IAH1: variants seen among roughly 807,000 people sequenced by gnomAD.
IAH1 encodes isoamyl acetate hydrolyzing esterase 1 (putative).
A neutral mutation model predicts 26.7 loss-of-function variants in IAH1; 24 were observed. That is an observed-to-expected ratio of 0.90 (90% CI 0.65 to 1.26). The LOEUF (loss-of-function observed/expected upper bound fraction) is 1.26. Among genes scored for constraint, IAH1 ranks in the 50% most tolerant of loss-of-function variants. The probability of loss-of-function intolerance (pLI) is 0.00; values close to 1 mark genes in which losing one functional copy is unlikely to be tolerated. For missense variants in IAH1, 300 were observed against 299.9 expected (o/e 1.00, Z 0.00); for synonymous variants, 140 against 118.5 (o/e 1.18, Z -1.18).
chr2:9,484,753 C>T (rs1433582502), intron 5 of IAH1: 3 of 535,144 alleles, frequency 5.6e-6, no homozygotes, highest in African/African-American at 3.8e-5. Context: ...TTCAGCCAGG[C>T]TCCTTGGCTA....
downstream of IAH1, among the ~76,000 whole-genome samples, chr2:9,496,939 A>G (rs115361288): frequency 1.0e-3 from 152 of 152,308 alleles, no homozygotes; most frequent in African/African-American, 3.6e-3. Flanking sequence ...GGTATGGTGG[A>G]TCTGCATGCA....
intron 5 of IAH1, chr2:9,485,780 CTT>C (rs1215079768): frequency 1.3e-5 from 2 of 152,252 alleles, no homozygotes; most frequent in African/African-American, 4.8e-5. Flanking sequence ...AGGCACTGGT[CTT>C]TTTTAATTTT....
chr2:9,498,490 C>T (rs752148171), downstream of IAH1, among the ~76,000 whole-genome samples: 12 of 152,220 alleles, frequency 7.9e-5, no homozygotes, highest in Non-Finnish European at 1.5e-4. Context: ...GACTATATAT[C>T]CACAGCTCTG....
Position 9,488,334 on chromosome 2 carries a change from T to A in IAH1, c.*5T>A. The A allele has an allele frequency of 6.3e-7, 1 of 1,585,628 alleles. No individual in the cohort carries two copies. Among genetic ancestry groups the A allele is most frequent in the Non-Finnish European group, 8.5e-7 (1 of 1,170,076 alleles). On this transcript the variant is annotated 3_prime_UTR_variant, in exon 6 of 6. Transcript: ENST00000497473. Reference sequence around the variant, plus strand: ...CTGGGAGATGGAGACCATTAGCCAATCACAGGAGACCCAAATCTGCTTGTT... The same window carrying A: ...CTGGGAGATGGAGACCATTAGCCAAACACAGGAGACCCAAATCTGCTTGTT...
chr2:9,490,843 A>C (rs1487079463), downstream of IAH1, among the ~76,000 whole-genome samples: 1 of 152,214 alleles, frequency 6.6e-6, no homozygotes, highest in Admixed American at 6.5e-5. Flanking sequence ...TCAAAATATT[A>C]ACTAAGTGTT....
At chr2:9,496,628 C>T (rs1662624225), downstream of IAH1, 1 of 154,266 alleles carries the variant, frequency 6.5e-6, no homozygotes, top group South Asian at 2.0e-4. Flanking sequence ...TCTAAGAGAT[C>T]AGAGGGGAGC....
upstream of IAH1, chr2:9,474,461 G>GTGAC (rs1367758390): frequency 5.2e-6 from 3 of 572,174 alleles, no homozygotes; most frequent in South Asian, 6.3e-5. This position sits in a 1 kb window ranked among gnomAD's most constrained non-coding sequence, Gnocchi z 4.3. Flanking sequence ...CGTCACCAAA[G>GTGAC]TGACTGCGTG....
At chr2:9,490,923 CTA>C (rs1425295060), downstream of IAH1, among the ~76,000 whole-genome samples, 1 of 152,176 alleles carries the variant, frequency 6.6e-6, no homozygotes, top group Non-Finnish European at 1.5e-5. Flanking sequence ...ATCCATGCAA[CTA>C]ATCGAAGTTC....
chr2:9,478,441 T>C, intron 3 of IAH1, 71 bp downstream of exon 3: 1 of 1,409,116 alleles, frequency 7.1e-7, no homozygotes, highest in East Asian at 2.4e-5. Flanking sequence ...TTGCATTTAA[T>C]ATACTTTTTT....
rs754393480 is a variant in IAH1, at chr2:9,484,444, A to G, written c.458A>G (p.Asn153Ser). 1.9e-6 allele frequency: 3 copies of G among 1,613,962 alleles called. No homozygotes were observed. In the African/African-American group the frequency reaches 4.0e-5, roughly 22 times the overall value. ...TTCTCTTCAATAGGTTGCAAACTAA[A>G]TCGCCTGAACTCTGTTGTTGGTGAA... ...EQCIIQGCKL[N>S]RLNSVVGEYA... is the part of the protein sequence containing the mutation. Residue 153 changes from asparagine to serine, a missense_variant, in exon 5 of 6, where the codon AAT (asparagine) becomes AGT (serine). Coordinates refer to ENST00000497473, the MANE Select transcript of IAH1 (RefSeq NM_001039613.3).
At chr2:9,497,035 C>T (rs2124976085), downstream of IAH1, 2 of 1,563,554 alleles carry the variant, frequency 1.3e-6, no homozygotes, top group East Asian at 2.3e-5. Flanking sequence ...ATTCGCACAA[C>T]CTCCAAATGG....
the IAH1 span, among the ~76,000 whole-genome samples, chr2:9,511,340 C>T: frequency 6.6e-6 from 1 of 152,060 alleles, no homozygotes; most frequent in Non-Finnish European, 1.5e-5. Flanking sequence ...ATCCCGGCTA[C>T]TCGGGAGGCT....
chr2:9,502,160 C>T, the IAH1 span: 1 of 1,610,028 alleles, frequency 6.2e-7, no homozygotes. Flanking sequence ...AAGGAAGCAA[C>T]AAGAACACGA....
chr2:9,477,104 A>C (rs1193464224), intron 2 of IAH1, among the ~76,000 whole-genome samples: 1 of 152,202 alleles, frequency 6.6e-6, no homozygotes, highest in African/African-American at 2.4e-5. Flanking sequence ...CGCATTTTAT[A>C]ATCATTACAC....
chr2:9,490,565 C>G, downstream of IAH1: 1 of 1,533,086 alleles, frequency 6.5e-7, no homozygotes, highest in Non-Finnish European at 8.8e-7. Context: ...AAAGATGAAT[C>G]GGAGGTCCTC....
At chr2:9,475,709 C>A in intron 1 of IAH1, 1 of 474,886 alleles carries the variant, frequency 2.1e-6, no homozygotes, top group Non-Finnish European at 3.8e-6. Context: ...CCATGTTGAC[C>A]AGGCTGGTCT....
At chr2:9,486,345 T>G (rs1661477407) in intron 5 of IAH1, 1 of 152,044 alleles carries the variant, frequency 6.6e-6, no homozygotes, top group South Asian at 2.1e-4. Context: ...ACATCTAGAG[T>G]TCTGTTGTCT....
downstream of IAH1, chr2:9,492,807 A>G (rs1193622646): frequency 1.8e-6 from 2 of 1,129,150 alleles, no homozygotes; most frequent in Admixed American, 3.1e-5. Context: ...AACTTTGCTA[A>G]GAACAAGTTT....
At chr2:9,475,218 G>A (rs1682413421) in intron 1 of IAH1, 1 of 1,288,588 alleles carries the variant, frequency 7.8e-7, no homozygotes. Flanking sequence ...CTAAATGCAG[G>A]TTCTTACTTC....
Sources: allele counts gnomAD v4.1 joint callset (sites outside exome capture counted in the v4.1 genomes callset), GRCh38; gene constraint gnomAD v4.1.1; non-coding constraint Gnocchi (gnomAD v3.1); transcripts MANE v1.5; gene names NCBI Gene and HGNC (gene_info 2026-07-23, HGNC 2026-07-21).